The following ARHGAP26 variants were observed in gnomAD, a reference collection of about 807,000 sequenced individuals.
ARHGAP26 encodes the protein rho GTPase-activating protein 26.
Under a neutral mutation model 104.8 loss-of-function variants are expected in ARHGAP26, and 38 were observed. The ratio of observed to expected loss-of-function variants is 0.36; its 90% confidence interval spans 0.28 to 0.48. The LOEUF is 0.48. Among genes scored for constraint, ARHGAP26 ranks in the 20% least tolerant of loss-of-function variants. ARHGAP26 has a pLI of 0.99. For synonymous variants in ARHGAP26, 341 were observed against 340.0 expected, an observed-to-expected ratio of 1.00 and a Z score of -0.03; for missense variants, 704 against 947.9, an observed-to-expected ratio of 0.74 and a Z score of 3.38.
chr5:143,007,345 GT>G (rs1332051536), intron 11 of ARHGAP26, among the ~76,000 whole-genome samples: 1 of 152,138 alleles, frequency 6.6e-6, no homozygotes, highest in African/African-American at 2.4e-5. Flanking sequence ...TAGGAGGGTT[GT>G]TTTTTGGGCA....
At chr5:143,092,782 A>G (rs1356405052) in intron 17 of ARHGAP26, among the ~76,000 whole-genome samples, 3 of 152,266 alleles carry the variant, frequency 2.0e-5, no homozygotes, top group African/African-American at 7.2e-5. Context: ...GAATTGGTAT[A>G]GATGGCTCTT....
Position 143,208,191 on chromosome 5 carries a change from AAAAAG to A in ARHGAP26, c.2099+885_2099+889del, listed in dbSNP as rs555544449. On this transcript the variant is annotated intron_variant, in intron 21 of 22. Transcript: ENST00000645722. Reference sequence around the variant, plus strand: ...TTTGCTCTTGTGCTCTTTGGGAAAAAAAAAGAGCTCTTTACAACCGGGAAAAGAAC... The same window carrying A: ...TTTGCTCTTGTGCTCTTTGGGAAAAAAGCTCTTTACAACCGGGAAAAGAAC... Among the ~76,000 whole-genome samples, 8 of 152,156 alleles carry A rather than the reference AAAAAG, an allele frequency of 5.3e-5. No homozygotes were observed. The South Asian group carries it at 1.7e-3, about 32-fold the overall frequency.
intron 20 of ARHGAP26, among the ~76,000 whole-genome samples, chr5:143,172,287 G>C (rs762869010): frequency 2.0e-5 from 3 of 151,924 alleles, no homozygotes; most frequent in Non-Finnish European, 4.4e-5. Flanking sequence ...GGAATGTGAG[G>C]CTTGTTACTC....
chr5:142,907,802 G>A lies in ARHGAP26; in HGVS notation c.931G>A (p.Gly311Arg). 1 of 1,604,432 alleles carries A rather than the reference G, an allele frequency of 6.2e-7. No homozygotes were observed. Among genetic ancestry groups the A allele is most frequent in the East Asian group, 2.2e-5 (1 of 44,804 alleles). The change falls in exon 9 of 23, where the codon GGG (glycine) becomes AGG (arginine). Residue 311 changes from glycine (G) to arginine (R), a missense_variant and splice_region_variant. This residue lies in a region of ARHGAP26 where 287 missense variants were observed against 438.8 expected (regional missense o/e 0.65). Transcript: ENST00000645722. ...ATTTGACCAAAAGTCAGGAGGAAAAGGGGTGAGTTCATTTTTAAAATTTGA... is the reference window on the plus strand; with the variant it reads ...ATTTGACCAAAAGTCAGGAGGAAAAAGGGTGAGTTCATTTTTAAAATTTGA... ...VPFDQKSGGKGGEDESVILKS... is the reference protein window; with the variant it reads ...VPFDQKSGGKRGEDESVILKS...
At chr5:143,182,690 C>G (rs892866336) in intron 20 of ARHGAP26, among the ~76,000 whole-genome samples, 1 of 152,304 alleles carries the variant, frequency 6.6e-6, no homozygotes, top group Non-Finnish European at 1.5e-5. Flanking sequence ...TTTATATACT[C>G]ATAGCCCTGA....
intron 11 of ARHGAP26, among the ~76,000 whole-genome samples, chr5:142,964,736 T>C (rs1394786205): frequency 6.6e-6 from 1 of 152,194 alleles, no homozygotes; most frequent in African/African-American, 2.4e-5. Context: ...CATGCATTTC[T>C]GGATCACCTG....
chr5:142,836,390 G>T (rs571261493), intron 1 of ARHGAP26, among the ~76,000 whole-genome samples: 1 of 152,258 alleles, frequency 6.6e-6, no homozygotes, highest in African/African-American at 2.4e-5. Flanking sequence ...TTTTCCCAAT[G>T]CCAGAATTCA....
intron 20 of ARHGAP26, among the ~76,000 whole-genome samples, chr5:143,205,706 C>G (rs187822702): frequency 2.0e-5 from 3 of 152,312 alleles, no homozygotes; most frequent in African/African-American, 7.2e-5. Flanking sequence ...TACTTATAGG[C>G]TGGGTATCCT....
At chr5:142,788,343 G>A (rs1001546126) in intron 1 of ARHGAP26, among the ~76,000 whole-genome samples, 1 of 152,074 alleles carries the variant, frequency 6.6e-6, no homozygotes, top group Middle Eastern at 3.2e-3. Context: ...TTCTCTGCTT[G>A]CTTCCCGACT....
At chr5:142,851,384 G>A (rs2436380) in intron 1 of ARHGAP26, among the ~76,000 whole-genome samples, 11 of 152,142 alleles carry the variant, frequency 7.2e-5, no homozygotes, top group African/African-American at 2.2e-4. Flanking sequence ...GGCGTGAGCC[G>A]CTGCGCCCAG....
intron 13 of ARHGAP26, among the ~76,000 whole-genome samples, chr5:143,039,895 C>T (rs1314459851): frequency 4.6e-5 from 7 of 152,164 alleles, no homozygotes; most frequent in Non-Finnish European, 8.8e-5. Context: ...TTAACTTCTA[C>T]GAAAGTCTTC....
chr5:142,837,569 G>T (rs1769837971), intron 1 of ARHGAP26, among the ~76,000 whole-genome samples: 1 of 152,208 alleles, frequency 6.6e-6, no homozygotes, highest in Admixed American at 6.5e-5. Context: ...CCTGCCTTGT[G>T]CCCTGTACTT....
intron 1 of ARHGAP26, among the ~76,000 whole-genome samples, chr5:142,828,112 G>A (rs887931403): frequency 1.3e-5 from 2 of 152,184 alleles, no homozygotes; most frequent in Non-Finnish European, 2.9e-5. Context: ...TTCCTCTACA[G>A]GTAGGAATTG....
chr5:142,879,282 A>G, intron 3 of ARHGAP26, 92 bp from the exon 4 acceptor site: 2 of 1,170,832 alleles, frequency 1.7e-6, no homozygotes, highest in South Asian at 2.4e-5. Flanking sequence ...TTATTTTAAG[A>G]CATGGGGAGG....
intron 22 of ARHGAP26, among the ~76,000 whole-genome samples, chr5:143,215,640 C>T (rs1297121817): frequency 2.0e-5 from 3 of 152,206 alleles, no homozygotes; most frequent in African/African-American, 7.2e-5. Context: ...AACCCATTTC[C>T]ATCCAGCCCA....
At chr5:143,095,688 T>A (rs1792194954) in intron 17 of ARHGAP26, among the ~76,000 whole-genome samples, 1 of 152,200 alleles carries the variant, frequency 6.6e-6, no homozygotes, top group African/African-American at 2.4e-5. Flanking sequence ...TTGTCATGCC[T>A]CAGCCTCCTG....
intron 17 of ARHGAP26, among the ~76,000 whole-genome samples, chr5:143,073,466 T>A (rs1788550577): frequency 6.6e-6 from 1 of 152,202 alleles, no homozygotes; most frequent in Non-Finnish European, 1.5e-5. Context: ...CATTTTGCCA[T>A]GTATTAATAT....
At chr5:142,834,947 A>G (rs921314801) in intron 1 of ARHGAP26, among the ~76,000 whole-genome samples, 3 of 152,162 alleles carry the variant, frequency 2.0e-5, no homozygotes, top group Non-Finnish European at 2.9e-5. Context: ...GACCAAGTTT[A>G]TTGTTAATAC....
intron 1 of ARHGAP26, among the ~76,000 whole-genome samples, chr5:142,832,969 G>A (rs116009054): frequency 0.03 from 4,550 of 152,226 alleles, 90 homozygotes; most frequent in South Asian, 0.082. Flanking sequence ...ACCTGTATCT[G>A]TAGAATATTT....
Sources: gnomAD v4.1 joint callset for allele counts (sites outside exome capture counted in the v4.1 genomes callset) on GRCh38, gnomAD v4.1.1 for gene constraint, gnomAD v4.1.1 regional missense constraint, MANE v1.5 for transcripts, NCBI Gene and HGNC (gene_info 2026-07-23, HGNC 2026-07-21) for gene names.